ADAM17: variants seen among roughly 807,000 people sequenced by gnomAD.
ADAM17 encodes ADAM metallopeptidase domain 17.
In ADAM17, 39 loss-of-function variants were observed where a neutral mutation model predicts 96.7. That is an observed-to-expected ratio of 0.40 (90% CI 0.31 to 0.53). The LOEUF (loss-of-function observed/expected upper bound fraction) is 0.53. ADAM17 is among the 20% of genes least tolerant of loss of function. The probability of loss-of-function intolerance (pLI) is 0.44; values close to 1 mark genes in which losing one functional copy is unlikely to be tolerated. For missense variants in ADAM17, 777 were observed against 1,013.2 expected (o/e 0.77, Z 3.17); for synonymous variants, 344 against 359.2 (o/e 0.96, Z 0.48).
chr2:9,522,638 A>T (rs1386606719), intron 7 of ADAM17, among the ~76,000 whole-genome samples: 1 of 152,184 alleles, frequency 6.6e-6, no homozygotes, highest in Non-Finnish European at 1.5e-5. Context: ...AATAGAGATA[A>T]CAATTTATAT....
At chr2:9,540,397 T>G (rs966212147) in intron 2 of ADAM17, among the ~76,000 whole-genome samples, 1 of 152,144 alleles carries the variant, frequency 6.6e-6, no homozygotes, top group Non-Finnish European at 1.5e-5. Context: ...TTTTTTTTTT[T>G]TTGTTCCTTC....
At chr2:9,544,394 T>C (rs1665328469) in intron 1 of ADAM17, among the ~76,000 whole-genome samples, 1 of 151,880 alleles carries the variant, frequency 6.6e-6, no homozygotes, top group Non-Finnish European at 1.5e-5. Context: ...TAGCCGGGCA[T>C]GGTGGTGCAT....
chr2:9,500,707 A>G (rs934664450), intron 13 of ADAM17, among the ~76,000 whole-genome samples: 47 of 152,240 alleles, frequency 3.1e-4, no homozygotes, highest in African/African-American at 1.1e-3. Flanking sequence ...AATTTAAGTC[A>G]AAAAACATCG....
At chr2:9,503,363 C>G (rs1028486325) in intron 12 of ADAM17, among the ~76,000 whole-genome samples, 1 of 152,130 alleles carries the variant, frequency 6.6e-6, no homozygotes, top group Non-Finnish European at 1.5e-5. Context: ...AAATGAAAAC[C>G]TGGGTAACTT....
At chr2:9,514,341 A>G (rs975587731) in intron 10 of ADAM17, among the ~76,000 whole-genome samples, 2 of 102,058 alleles carry the variant, frequency 2.0e-5, no homozygotes, top group Non-Finnish European at 3.6e-5. Flanking sequence ...GGAACATCAC[A>G]CACCGGTGCC....
chr2:9,489,825 T>C lies in ADAM17; in HGVS notation c.*352A>G. 1 of 159,594 alleles carries C rather than the reference T, an allele frequency of 6.3e-6. No homozygotes were observed. Among genetic ancestry groups the C allele is most frequent in the Non-Finnish European group, 1.3e-5 (1 of 74,512 alleles). 9.9% of individuals were successfully genotyped at this position (159,594 alleles called of 1,614,324 possible). A position where few individuals can be genotyped will look rare whatever the true frequency, so the allele number is the denominator to read the frequency against. ...TTCATTACAGTGTATAAAAAAAAACTGATCATTTCCCTAGTCAGTGCTGTT... is the reference window on the plus strand; with the variant it reads ...TTCATTACAGTGTATAAAAAAAAACCGATCATTTCCCTAGTCAGTGCTGTT... On this transcript the variant is annotated 3_prime_UTR_variant, in exon 19 of 19. Transcript: ENST00000310823.
At chr2:9,504,678 C>T (rs1663266614) in intron 12 of ADAM17, among the ~76,000 whole-genome samples, 1 of 150,058 alleles carries the variant, frequency 6.7e-6, no homozygotes, top group South Asian at 2.1e-4. Flanking sequence ...AGGGGAATCA[C>T]TTGAACCCGG....
At chr2:9,523,921 G>C (rs1664413392) in intron 6 of ADAM17, among the ~76,000 whole-genome samples, 2 of 151,134 alleles carry the variant, frequency 1.3e-5, no homozygotes, top group Admixed American at 1.3e-4. Flanking sequence ...TGTCACCAGG[G>C]GTGCAGTACA....
At chr2:9,547,407 C>G (rs932406416) in intron 1 of ADAM17, among the ~76,000 whole-genome samples, 1 of 152,166 alleles carries the variant, frequency 6.6e-6, no homozygotes, top group Non-Finnish European at 1.5e-5. Context: ...ACAGAAGTAG[C>G]CACAGAAAGT....
intron 2 of ADAM17, 104 bp from the exon 3 acceptor site, chr2:9,536,932 A>C: frequency 7.6e-7 from 1 of 1,322,896 alleles, no homozygotes; most frequent in South Asian, 1.4e-5. Context: ...GACATTAATA[A>C]AACACTATGC....
rs746629400 is a variant in ADAM17 at position 9,489,538 on chromosome 2, G to GGT, written c.*637_*638dup. 7 of 152,204 alleles carry GGT rather than the reference G, an allele frequency of 4.6e-5. No homozygotes were observed. The highest frequency in any genetic ancestry group is 8.8e-5 in the Non-Finnish European group (6 of 67,994). 9.4% of individuals were successfully genotyped at this position (152,204 alleles called of 1,614,324 possible). ...CTACCATGTATAGCCCTCACTGTAAGGTAGGTGGTTAGGTTTCTAGAGAGC... is the reference window on the plus strand; with the variant it reads ...CTACCATGTATAGCCCTCACTGTAAGGTGTAGGTGGTTAGGTTTCTAGAGAGC... On this transcript the variant is annotated 3_prime_UTR_variant, in exon 19 of 19. Transcript: ENST00000310823.
At chr2:9,518,348 C>T in intron 8 of ADAM17, 101 bp from the exon 9 acceptor site, 1 of 1,334,160 alleles carries the variant, frequency 7.5e-7, no homozygotes, top group Non-Finnish European at 9.8e-7. Context: ...CATTCCAGAA[C>T]AGAACTATGA....
At chr2:9,517,808 T>A (rs770720253) in intron 10 of ADAM17, 93 bp downstream of exon 10, 2 of 788,570 alleles carry the variant, frequency 2.5e-6, no homozygotes, top group African/African-American at 3.6e-5. Flanking sequence ...CAGTATATAT[T>A]ACATTTTTTA....
chr2:9,493,251 T>G (rs1339765082), intron 16 of ADAM17, among the ~76,000 whole-genome samples: 1 of 152,212 alleles, frequency 6.6e-6, no homozygotes, highest in African/African-American at 2.4e-5. Context: ...GTCAACAGAT[T>G]AATATGGAAT....
chr2:9,518,230 T>C lies in ADAM17; in HGVS notation c.975A>G (p.Ile325Met), dbSNP rs1222914560. The stretch of plus-strand genomic sequence containing the variant: ...AGCAAACTTTAGATGCTTCCTCAGC[T>C]ATATCAAAGCTAAATTGCTTTGAAA... Reference protein sequence around the residue: ...KMLLEQFSFDIAEEASKVCLA... With the variant: ...KMLLEQFSFDMAEEASKVCLA... Residue 325 changes from isoleucine to methionine, a missense_variant, in exon 9 of 19, where the codon ATA becomes ATG. Coordinates refer to ENST00000310823, the MANE Select transcript of ADAM17 (RefSeq NM_003183.6). 6 of 1,409,808 alleles carry C rather than the reference T, an allele frequency of 4.3e-6. No individual in the cohort carries two copies. The highest frequency in any genetic ancestry group is 5.6e-6 in the Non-Finnish European group (6 of 1,073,918). 87.3% of individuals were successfully genotyped at this position (1,409,808 alleles called of 1,614,324 possible).
intron 10 of ADAM17, among the ~76,000 whole-genome samples, chr2:9,513,868 G>A (rs911564830): frequency 6.6e-6 from 1 of 151,912 alleles, no homozygotes; most frequent in Non-Finnish European, 1.5e-5. Context: ...AAAATTAGCT[G>A]GTCGTGATGG....
intron 13 of ADAM17, among the ~76,000 whole-genome samples, chr2:9,497,721 TG>T (rs1662715949): frequency 6.6e-6 from 1 of 152,182 alleles, no homozygotes; most frequent in East Asian, 1.9e-4. Flanking sequence ...GGAATGCTGG[TG>T]TTTCCACTCT....
intron 4 of ADAM17, among the ~76,000 whole-genome samples, chr2:9,533,160 G>C (rs974922501): frequency 6.6e-6 from 1 of 151,840 alleles, no homozygotes; most frequent in Non-Finnish European, 1.5e-5. Flanking sequence ...TTGCACTCCA[G>C]TCTGGGTGAC....
chr2:9,543,202 G>C lies in ADAM17; in HGVS notation c.181C>G (p.Gln61Glu). The change falls in exon 2 of 19, where the codon CAG (glutamine) becomes GAG (glutamate). Residue 61 changes from glutamine to glutamate, a missense_variant. Physicochemically the swap from Gln to Glu is conservative, Grantham distance 29 (BLOSUM62 2). This residue lies in a region of ADAM17 where 134 missense variants were observed against 129.1 expected (regional missense o/e 1.04). Transcript: ENST00000310823. Reference protein sequence around the residue: ...QQHSVRKRDLQTSTHVETLLT... With the variant: ...QQHSVRKRDLETSTHVETLLT... ...AGTGTTTCTACATGTGTTGAAGTCT[G>C]TAGATCTCTTTTTCTTACCGAATGC... 6.2e-7 allele frequency: 1 copy of C among 1,610,516 alleles called. No individual in the cohort carries two copies. Among genetic ancestry groups the C allele is most frequent in the Non-Finnish European group, 8.5e-7 (1 of 1,178,422 alleles).
Sources: gnomAD v4.1 joint callset for allele counts (sites outside exome capture counted in the v4.1 genomes callset) on GRCh38, gnomAD v4.1.1 for gene constraint, gnomAD v4.1.1 regional missense constraint, MANE v1.5 for transcripts, NCBI Gene and HGNC (gene_info 2026-07-23, HGNC 2026-07-21) for gene names.